TG: variants seen among roughly 807,000 people sequenced by gnomAD.
TG encodes the protein thyroid hormones.
TG carries 270 observed loss-of-function variants against 324.7 expected under a neutral mutation model. The ratio of observed to expected loss-of-function variants is 0.83; its 90% CI spans 0.75 to 0.92. The LOEUF is 0.92. Ranked by LOEUF, TG falls within the 40% of genes least tolerant of loss-of-function variation. The pLI is 0.00. For missense variants in TG, 3,591 were observed against 3,456.4 expected (o/e 1.04, Z -0.98); for synonymous variants, 1,401 against 1,327.0 (o/e 1.06, Z -1.21).
intron 45 of TG, among the ~76,000 whole-genome samples, chr8:133,129,836 G>A (rs1378839959): frequency 1.3e-5 from 2 of 152,106 alleles, no homozygotes; most frequent in Non-Finnish European, 2.9e-5. Flanking sequence ...GAATGTGATG[G>A]AGGATATGAA....
At chr8:132,986,891 T>C (rs1258230712) in intron 35 of TG, among the ~76,000 whole-genome samples, 10 of 152,200 alleles carry the variant, frequency 6.6e-5, no homozygotes, top group Admixed American at 6.5e-4. Flanking sequence ...ATCCTTAAGT[T>C]TTATCACTAA....
chr8:132,999,193 G>A (rs1307522854), intron 35 of TG, among the ~76,000 whole-genome samples: 1 of 152,166 alleles, frequency 6.6e-6, no homozygotes, highest in Admixed American at 6.5e-5. Context: ...AGGACGAGCA[G>A]GAGTCTGGAC....
chr8:132,917,888 A>ATTTTTTT (rs1414435510), intron 20 of TG, among the ~76,000 whole-genome samples: 1 of 51,128 alleles, frequency 2.0e-5, no homozygotes, highest in African/African-American at 6.4e-5. Flanking sequence ...CGGTTTTTGC[A>ATTTTTTT]ATTTTTTTTT....
intron 10 of TG, among the ~76,000 whole-genome samples, chr8:132,890,333 A>C (rs1816049620): frequency 6.6e-6 from 1 of 152,174 alleles, no homozygotes; most frequent in Non-Finnish European, 1.5e-5. Context: ...TATGCCTTAT[A>C]AAGAAATACC....
chr8:132,958,156 T>C (rs1407175838), intron 27 of TG, among the ~76,000 whole-genome samples: 1 of 152,236 alleles, frequency 6.6e-6, no homozygotes, highest in African/African-American at 2.4e-5. Flanking sequence ...GCTTCAGCCT[T>C]AGACTTGAGA....
chr8:132,983,277 A>T, intron 34 of TG, 73 bp from the exon 35 acceptor site: 1 of 1,501,080 alleles, frequency 6.7e-7, no homozygotes, highest in Non-Finnish European at 9.3e-7. Context: ...TCTTATACTT[A>T]TATTAATGCC....
intron 41 of TG, among the ~76,000 whole-genome samples, chr8:133,093,119 GTTTTCTTTTC>G (rs1171984030): frequency 2.9e-5 from 4 of 139,662 alleles, no homozygotes; most frequent in South Asian, 2.2e-4. Flanking sequence ...GTGTGTGTGT[GTTTTCTTTTC>G]TTTTCTTTTC....
At chr8:133,111,888 C>G (rs536607752) in intron 43 of TG, among the ~76,000 whole-genome samples, 1 of 152,374 alleles carries the variant, frequency 6.6e-6, no homozygotes, top group African/African-American at 2.4e-5. Flanking sequence ...TGCATGCCCT[C>G]CTGGCTTCGG....
At chr8:132,909,059 T>C (rs1819119969) in intron 18 of TG, among the ~76,000 whole-genome samples, 2 of 152,188 alleles carry the variant, frequency 1.3e-5, no homozygotes. Flanking sequence ...CAAGGCCTTG[T>C]TGGCTGTGGC....
At chr8:132,934,253 T>G (rs1314738737) in intron 24 of TG, among the ~76,000 whole-genome samples, 1 of 152,104 alleles carries the variant, frequency 6.6e-6, no homozygotes, top group Non-Finnish European at 1.5e-5. Context: ...GAGAATCGCT[T>G]GAACCCGGGA....
intron 20 of TG, 64 bp downstream of exon 20, chr8:132,913,329 T>C: frequency 6.6e-7 from 1 of 1,526,000 alleles, no homozygotes; most frequent in Non-Finnish European, 9.1e-7. Flanking sequence ...AAAGGCCACC[T>C]CAGCACTGGA....
intron 41 of TG, chr8:133,036,857 C>T (rs148063734): frequency 1.2e-3 from 188 of 152,678 alleles, no homozygotes; most frequent in East Asian, 5.0e-3. Flanking sequence ...TTCGTCACAA[C>T]GGAAAACAAC....
At chr8:132,969,659 A>T in intron 32 of TG, 90 bp downstream of exon 32, 1 of 1,048,134 alleles carries the variant, frequency 9.5e-7, no homozygotes, top group Non-Finnish European at 1.5e-6. Context: ...ACAGAAGCAT[A>T]CCCAGCACTT....
intron 41 of TG, among the ~76,000 whole-genome samples, chr8:133,078,672 C>T (rs536795958): frequency 1.3e-5 from 2 of 152,334 alleles, no homozygotes; most frequent in African/African-American, 4.8e-5. Flanking sequence ...TAGGCCCTAC[C>T]CTCAAGGAGT....
At chr8:133,066,084 G>A (rs1842992271) in intron 41 of TG, among the ~76,000 whole-genome samples, 1 of 152,130 alleles carries the variant, frequency 6.6e-6, no homozygotes, top group Non-Finnish European at 1.5e-5. Flanking sequence ...TGTTACTTAG[G>A]AGGCTGAGGC....
intron 40 of TG, among the ~76,000 whole-genome samples, chr8:133,027,340 G>A (rs1461867610): frequency 1.3e-5 from 2 of 152,216 alleles, no homozygotes; most frequent in East Asian, 3.8e-4. Context: ...AGGCCTGGAG[G>A]GCTTCCATTC....
At chr8:132,983,534 C>T (rs1013940117) in intron 35 of TG, 122 bp downstream of exon 35, 2 of 1,013,234 alleles carry the variant, frequency 2.0e-6, no homozygotes, top group Non-Finnish European at 3.1e-6. Flanking sequence ...TTAATTCCAG[C>T]TCCTATGAAT....
chr8:132,942,311 G>A (rs2739071), intron 26 of TG, among the ~76,000 whole-genome samples: 79,023 of 152,046 alleles, frequency 0.52, 21,931 homozygotes, highest in Non-Finnish European at 0.61. Flanking sequence ...AAAATGCTGC[G>A]TATAGATTTG....
chr8:133,074,868 A>C (rs1196562044), intron 41 of TG: 2 of 985,458 alleles, frequency 2.0e-6, no homozygotes, highest in South Asian at 9.4e-5. Flanking sequence ...CACACTGGGC[A>C]TGACTCCTGT....
Sources: allele counts gnomAD v4.1 joint callset (sites outside exome capture counted in the v4.1 genomes callset), GRCh38; gene constraint gnomAD v4.1.1; transcripts MANE v1.5; gene names NCBI Gene and HGNC (gene_info 2026-07-23, HGNC 2026-07-21).